The following FGF18 variants were observed in gnomAD, a reference collection of about 807,000 sequenced individuals.
FGF18 encodes the protein fibroblast growth factor 18.
A neutral mutation model predicts 23.0 loss-of-function variants in FGF18; 5 were observed. The observed-to-expected ratio is 0.22, with a 90% confidence interval of 0.11 to 0.46. The LOEUF (loss-of-function observed/expected upper bound fraction) is 0.46, where lower values mean the gene tolerates loss of function less well. Ranked by LOEUF, FGF18 falls within the 20% of genes least tolerant of loss-of-function variation. FGF18 has a pLI of 0.99. For synonymous variants in FGF18, 117 were observed against 118.9 expected (o/e 0.98, Z 0.10); for missense variants, 180 against 291.6 (o/e 0.62, Z 2.79).
In FGF18 at chr5:171,424,163, G is replaced by A. The variant is rs1055087005; in HGVS notation, c.69+3720G>A. ...TGCTTCTTGCTGCCTTGGGAATAAG[G>A]TCTAGTCAGTCCCTGGCCTCCAAGA... On this transcript the variant is annotated intron_variant, in intron 2 of 4. Coordinates refer to ENST00000274625, the MANE Select transcript of FGF18 (RefSeq NM_003862.3). Among the ~76,000 whole-genome samples, 3 of 152,188 alleles carry A rather than the reference G, an allele frequency of 2.0e-5. No homozygotes were observed. The East Asian group carries it at 5.8e-4, about 29-fold the overall frequency.
chr5:171,453,822 C>A (rs544400903), intron 4 of FGF18, among the ~76,000 whole-genome samples: 124 of 152,130 alleles, frequency 8.2e-4, no homozygotes, highest in African/African-American at 2.9e-3. Flanking sequence ...CAGGAGGGAC[C>A]TCTCATAGCT....
At chr5:171,428,756 C>G (rs976135076) in intron 2 of FGF18, among the ~76,000 whole-genome samples, 2 of 152,128 alleles carry the variant, frequency 1.3e-5, no homozygotes, top group African/African-American at 4.8e-5. Flanking sequence ...ATTCTCCCTA[C>G]CCAGGGGCTT....
At chr5:171,443,296 A>T (rs539221215) in intron 3 of FGF18, among the ~76,000 whole-genome samples, 1 of 151,612 alleles carries the variant, frequency 6.6e-6, no homozygotes, top group East Asian at 1.9e-4. Context: ...CACCCAGCTA[A>T]TTTTTTTTAT....
chr5:171,449,277 G>GGGAACTTC, intron 4 of FGF18, 24 bp downstream of exon 4: 2 of 1,562,432 alleles, frequency 1.3e-6, no homozygotes, highest in South Asian at 2.2e-5. Context: ...TGGGATTCCC[G>GGGAACTTC]GGAACTTCGG....
chr5:171,428,312 G>C (rs1264153791), intron 2 of FGF18, among the ~76,000 whole-genome samples: 1 of 152,152 alleles, frequency 6.6e-6, no homozygotes, highest in African/African-American at 2.4e-5. Context: ...CTGTGCCAGG[G>C]GCTGGGGCAC....
In FGF18 at chr5:171,436,263, G is replaced by A. The variant is rs1259029210; in HGVS notation, c.240G>A (p.Gly80=). Reference sequence around the variant, plus strand: ...GGATCAGTGCCCGCGGCGAGGATGGGGACAAGTATGGTATGTGCCAACCCT... The same window carrying A: ...GGATCAGTGCCCGCGGCGAGGATGGAGACAAGTATGGTATGTGCCAACCCT... ...GRRISARGED[G]DKYAQLLVET... Residue 80 remains glycine, a synonymous_variant, in exon 3 of 5, where the codon GGG becomes GGA. Transcript: ENST00000274625. This position sits in a 1 kb window ranked among gnomAD's most constrained non-coding sequence, Gnocchi z 4.4. The A allele has an allele frequency of 1.3e-5, 20 of 1,583,890 alleles. No individual in the cohort carries two copies. Among genetic ancestry groups the A allele is most frequent in the Non-Finnish European group, 1.6e-5 (19 of 1,162,864 alleles).
In FGF18 at chr5:171,440,413, G is replaced by A. The variant is rs989705563; in HGVS notation, c.250+4140G>A. On this transcript the variant is annotated intron_variant, in intron 3 of 4. Transcript: ENST00000274625. This position sits in a 1 kb window ranked among gnomAD's most constrained non-coding sequence, Gnocchi z 4.0. ...CCAGCAGCAAGGTCTCTGCCCCAGTGAGGGAGGAGGGCCTTTGGCTCCCCT... is the reference window on the plus strand; with the variant it reads ...CCAGCAGCAAGGTCTCTGCCCCAGTAAGGGAGGAGGGCCTTTGGCTCCCCT... 5.9e-5 allele frequency among the ~76,000 whole-genome samples: 9 copies of A among 152,144 alleles called. No individual in the cohort carries two copies. Among genetic ancestry groups the A allele is most frequent in the Admixed American group, 1.3e-4 (2 of 15,266 alleles).
At chr5:171,443,296 A>ATT (rs111685984) in intron 3 of FGF18, among the ~76,000 whole-genome samples, 1 of 151,494 alleles carries the variant, frequency 6.6e-6, no homozygotes, top group African/African-American at 2.4e-5. Flanking sequence ...CACCCAGCTA[A>ATT]TTTTTTTTAT....
At chr5:171,438,417 G>A (rs1386130403) in intron 3 of FGF18, among the ~76,000 whole-genome samples, 1 of 151,806 alleles carries the variant, frequency 6.6e-6, no homozygotes, top group Non-Finnish European at 1.5e-5. Flanking sequence ...CTTCTTAAGT[G>A]TAACATGGGT....
intron 2 of FGF18, among the ~76,000 whole-genome samples, chr5:171,423,532 TCTTGTCCCTCCTGCCAGCCCCTTAGCCC>T (rs1311669811): frequency 2.4e-4 from 37 of 151,952 alleles, no homozygotes; most frequent in Admixed American, 1.1e-3. Flanking sequence ...TCCCCTGGCC[TCTTGTCCCTCCTGCCAGCCCCTTAGCCC>T]CTTGTCCCTC....
intron 2 of FGF18, among the ~76,000 whole-genome samples, chr5:171,424,606 C>T (rs1352208427): frequency 6.6e-6 from 1 of 152,202 alleles, no homozygotes; most frequent in African/African-American, 2.4e-5. Flanking sequence ...TTGGTGGGCC[C>T]ATGGAGTCCT....
intron 4 of FGF18, among the ~76,000 whole-genome samples, chr5:171,452,102 T>C (rs2113365738): frequency 6.6e-6 from 1 of 152,388 alleles, no homozygotes; most frequent in South Asian, 2.1e-4. Flanking sequence ...GTGGATTGAC[T>C]CTTAAGCTAC....
At chr5:171,427,254 G>C (rs906563083) in intron 2 of FGF18, among the ~76,000 whole-genome samples, 7 of 151,972 alleles carry the variant, frequency 4.6e-5, no homozygotes, top group Non-Finnish European at 8.8e-5. Flanking sequence ...GTTATTGTGA[G>C]AACTAAGTGG....
intron 2 of FGF18, among the ~76,000 whole-genome samples, chr5:171,422,156 G>A (rs58881978): frequency 2.6e-5 from 4 of 152,216 alleles, no homozygotes; most frequent in African/African-American, 9.6e-5. Context: ...CCCAGGAGGG[G>A]CTGCTGTGTG....
chr5:171,456,939 A>G lies in FGF18; in HGVS notation c.*134A>G, dbSNP rs1177559620. The G allele has an allele frequency of 1.4e-5, 16 of 1,162,460 alleles. No individual in the cohort carries two copies. Among genetic ancestry groups the G allele is most frequent in the Non-Finnish European group, 1.9e-5 (16 of 846,522 alleles). The allele number at this position is 1,162,460 out of a possible 1,614,324, so 72.0% of individuals were successfully genotyped here. ...TACATTGTGTTTAAAAGAAGACAAA[A>G]ACTGAACCAAAACTCTTGGGGGGAG... On this transcript the variant is annotated 3_prime_UTR_variant, in exon 5 of 5. Transcript: ENST00000274625. This position sits in a 1 kb window ranked among gnomAD's most constrained non-coding sequence, Gnocchi z 6.1.
intron 3 of FGF18, among the ~76,000 whole-genome samples, chr5:171,442,214 T>A (rs1772357103): frequency 6.6e-6 from 1 of 152,114 alleles, no homozygotes; most frequent in South Asian, 2.1e-4. Context: ...GGTGTGTCCA[T>A]ATGGAGAAAG....
intron 4 of FGF18, among the ~76,000 whole-genome samples, chr5:171,453,261 A>G (rs574732448): frequency 3.3e-5 from 5 of 152,224 alleles, no homozygotes; most frequent in African/African-American, 1.2e-4. Flanking sequence ...CTTCTTATCC[A>G]TTTTTGCCTG....
At chr5:171,445,740 A>C (rs2113356259) in intron 3 of FGF18, among the ~76,000 whole-genome samples, 1 of 152,104 alleles carries the variant, frequency 6.6e-6, no homozygotes, top group East Asian at 1.9e-4. Context: ...GGCAAGGGGA[A>C]GGGGCTGTTG....
At chr5:171,453,914 T>G (rs1581281229) in intron 4 of FGF18, among the ~76,000 whole-genome samples, 1 of 152,050 alleles carries the variant, frequency 6.6e-6, no homozygotes, top group Middle Eastern at 3.4e-3. Flanking sequence ...TCATGTGTCA[T>G]CCCACCGTTT....
Sources: allele counts gnomAD v4.1 joint callset (sites outside exome capture counted in the v4.1 genomes callset), GRCh38; gene constraint gnomAD v4.1.1; non-coding constraint Gnocchi (gnomAD v3.1); transcripts MANE v1.5; gene names NCBI Gene and HGNC (gene_info 2026-07-23, HGNC 2026-07-21).